The following PCDHAC1 variants were observed in gnomAD, a reference collection of about 807,000 sequenced individuals.
PCDHAC1 encodes protocadherin alpha-C1.
PCDHAC1 carries 42 observed loss-of-function variants against 60.0 expected under a neutral mutation model. The ratio of observed to expected loss-of-function variants is 0.70; its 90% CI spans 0.55 to 0.90. PCDHAC1 has a LOEUF of 0.90. Ranked by LOEUF, PCDHAC1 falls within the 40% of genes least tolerant of loss-of-function variation. The pLI is 0.00. For missense variants in PCDHAC1, 1,160 were observed against 1,222.3 expected, an observed-to-expected ratio of 0.95 and a Z score of 0.76; for synonymous variants, 468 against 499.3, an observed-to-expected ratio of 0.94 and a Z score of 0.84.
At chr5:140,995,060 A>C (rs1424126097) in intron 3 of PCDHAC1, among the ~76,000 whole-genome samples, 2 of 152,204 alleles carry the variant, frequency 1.3e-5, no homozygotes, top group African/African-American at 2.4e-5. Context: ...AATTTTCAAA[A>C]ATCAACCTAC....
chr5:140,992,681 G>A (rs575311513), intron 3 of PCDHAC1, among the ~76,000 whole-genome samples: 2 of 152,286 alleles, frequency 1.3e-5, no homozygotes, highest in South Asian at 4.2e-4. Flanking sequence ...TGTGTGTTAG[G>A]GGTTGAGGGG....
At chr5:140,964,009 A>G (rs1435043905) in intron 1 of PCDHAC1, among the ~76,000 whole-genome samples, 1 of 152,160 alleles carries the variant, frequency 6.6e-6, no homozygotes, top group Non-Finnish European at 1.5e-5. Context: ...CTACTTTTTA[A>G]TAGAGAGCTC....
At chr5:140,984,612 G>T (rs2097111075) in intron 3 of PCDHAC1, among the ~76,000 whole-genome samples, 1 of 152,026 alleles carries the variant, frequency 6.6e-6, no homozygotes, top group Admixed American at 6.6e-5. Flanking sequence ...CTGCATCAGT[G>T]GTGTAAAGTT....
At chr5:140,991,205 A>C (rs1403144779) in intron 3 of PCDHAC1, among the ~76,000 whole-genome samples, 3 of 152,226 alleles carry the variant, frequency 2.0e-5, no homozygotes, top group Admixed American at 2.0e-4. Context: ...TGCTCAATAA[A>C]TTTTGTTAAA....
chr5:140,978,424 T>C (rs1554239310), intron 1 of PCDHAC1, among the ~76,000 whole-genome samples: 1 of 152,238 alleles, frequency 6.6e-6, no homozygotes, highest in African/African-American at 2.4e-5. Flanking sequence ...GAGACTGTTA[T>C]CAGTTGCTGG....
chr5:140,967,676 G>A (rs1334899934), intron 1 of PCDHAC1: 3 of 1,614,104 alleles, frequency 1.9e-6, no homozygotes, highest in African/African-American at 2.7e-5. Context: ...GTCGGACCGG[G>A]AGAGGCAGCT....
intron 3 of PCDHAC1, among the ~76,000 whole-genome samples, chr5:140,987,991 T>C (rs1243117535): frequency 6.6e-6 from 1 of 152,232 alleles, no homozygotes; most frequent in Non-Finnish European, 1.5e-5. Context: ...ACTCCATCTC[T>C]GATCCTTCCC....
chr5:141,000,279 G>A (rs528257063), intron 3 of PCDHAC1, among the ~76,000 whole-genome samples: 60 of 151,092 alleles, frequency 4.0e-4, no homozygotes, highest in Middle Eastern at 3.4e-3. Context: ...GGAGGCAGAG[G>A]TGGGAATATT....
Position 140,969,340 on chromosome 5 carries a change from G to A in PCDHAC1, c.2434-9609G>A, listed in dbSNP as rs1262555926. 6 of 1,613,738 alleles carry A rather than the reference G, an allele frequency of 3.7e-6. No homozygotes were observed. The African/African-American group carries it at 5.3e-5, about 14-fold the overall frequency. On this transcript the variant is annotated intron_variant, in intron 1 of 3. Coordinates refer to ENST00000253807, the MANE Select transcript of PCDHAC1 (RefSeq NM_018898.5). The stretch of plus-strand genomic sequence containing the variant: ...CTGTTTCTCAAAATGAGGTGAGACA[G>A]TGGTCAGGGGGTCTTCTACAAACTC...
In PCDHAC1 at chr5:141,010,181, C is replaced by G; in HGVS notation, c.*244C>G. The G allele has an allele frequency of 2.6e-6, 4 of 1,554,386 alleles. No individual in the cohort carries two copies. Among genetic ancestry groups the G allele is most frequent in the Non-Finnish European group, 3.5e-6 (4 of 1,148,120 alleles). On this transcript the variant is annotated 3_prime_UTR_variant, in exon 4 of 4. Transcript: ENST00000253807. ...TTGTTTTCAGAACCTAAAAAGCAGA[C>G]CCAAGTTTCCTTTCTCCTCCGCCGC... is the stretch of plus-strand genomic sequence containing the variant.
In PCDHAC1 at chr5:140,928,156, T is replaced by G. The variant is rs1554205560; in HGVS notation, c.1264T>G (p.Ser422Ala). 6.2e-7 allele frequency: 1 copy of G among 1,614,188 alleles called. No homozygotes were observed. The highest frequency in any genetic ancestry group is 2.2e-5 in the East Asian group (1 of 44,868). Reference sequence around the variant, plus strand: ...CCTGATCACGGCCTCAGATAGTGGCTCACCCCCACTTAGCACCCGAAGGAC... The same window carrying G: ...CCTGATCACGGCCTCAGATAGTGGCGCACCCCCACTTAGCACCCGAAGGAC... ...QVLITASDSG[S>A]PPLSTRRTIT... is the part of the protein sequence containing the mutation. The change falls in exon 1 of 4, where the codon TCA becomes GCA. Residue 422 changes from serine to alanine, a missense_variant. Ser to Ala is a moderately conservative substitution (Grantham distance 99, BLOSUM62 1). Transcript: ENST00000253807.
At chr5:140,967,362 C>A (rs1385889243) in intron 1 of PCDHAC1, 2 of 1,607,452 alleles carry the variant, frequency 1.2e-6, no homozygotes, top group East Asian at 2.2e-5. Flanking sequence ...GACCTTAAGC[C>A]CCTGCAGGAG....
chr5:141,006,067 A>G (rs1202024176), intron 3 of PCDHAC1, among the ~76,000 whole-genome samples: 4 of 151,950 alleles, frequency 2.6e-5, no homozygotes, highest in Admixed American at 6.6e-5. Flanking sequence ...AGAAATAAAA[A>G]TCAGATTATT....
intron 1 of PCDHAC1, among the ~76,000 whole-genome samples, chr5:140,936,910 G>A (rs1221304306): frequency 6.6e-6 from 1 of 152,062 alleles, no homozygotes; most frequent in African/African-American, 2.4e-5. Context: ...TATTGAATCT[G>A]TAGAAAATAT....
chr5:140,995,498 CTG>C (rs1554254703), intron 3 of PCDHAC1, among the ~76,000 whole-genome samples: 5 of 152,150 alleles, frequency 3.3e-5, no homozygotes, highest in Non-Finnish European at 5.9e-5. Context: ...CTAAGGTTGA[CTG>C]TGGGTAACTG....
At chr5:140,986,151 G>A (rs547474191) in intron 3 of PCDHAC1, among the ~76,000 whole-genome samples, 1 of 152,198 alleles carries the variant, frequency 6.6e-6, no homozygotes, top group African/African-American at 2.4e-5. Flanking sequence ...GCATCACCAA[G>A]TAATGTTTTC....
Position 140,929,475 on chromosome 5 carries a change from G to A in PCDHAC1, c.2433+150G>A, listed in dbSNP as rs1554207114. ...ACTTCCTGTGCCAAGAAATCTGGAA[G>A]TATAGAAGTATTAGAAGATTGCCCT... is the stretch of plus-strand genomic sequence containing the variant. On this transcript the variant is annotated intron_variant, in intron 1 of 3. Transcript: ENST00000253807. The A allele has an allele frequency of 4.0e-6, 5 of 1,251,128 alleles. No individual in the cohort carries two copies. The Middle Eastern group carries it at 8.1e-4, about 202-fold the overall frequency. The allele number at this position is 1,251,128 out of a possible 1,614,324, so 77.5% of individuals were successfully genotyped here. A position where few individuals can be genotyped will look rare whatever the true frequency, so the allele number is the denominator to read the frequency against.
intron 3 of PCDHAC1, among the ~76,000 whole-genome samples, chr5:140,983,533 G>A (rs1195364351): frequency 6.6e-6 from 1 of 152,208 alleles, no homozygotes; most frequent in Non-Finnish European, 1.5e-5. Flanking sequence ...TACATTGTAT[G>A]TGTGGTCTCA....
At chr5:140,958,078 G>A (rs1447110228) in intron 1 of PCDHAC1, among the ~76,000 whole-genome samples, 1 of 152,064 alleles carries the variant, frequency 6.6e-6, no homozygotes, top group Admixed American at 6.6e-5. Flanking sequence ...GAAGCAAAAA[G>A]TAAAGTTGTA....
Sources: allele counts gnomAD v4.1 joint callset (sites outside exome capture counted in the v4.1 genomes callset), GRCh38; gene constraint gnomAD v4.1.1; transcripts MANE v1.5; gene names NCBI Gene and HGNC (gene_info 2026-07-23, HGNC 2026-07-21).